The following HDAC9 variants were observed in gnomAD, a reference collection of about 807,000 sequenced individuals.
HDAC9 encodes MEF-2 interacting transcription repressor (MITR) protein.
HDAC9 carries 41 observed loss-of-function variants against 139.4 expected under a neutral mutation model. The observed-to-expected ratio is 0.29, with a 90% CI of 0.23 to 0.38. The LOEUF (loss-of-function observed/expected upper bound fraction) is 0.38. Among genes scored for constraint, HDAC9 ranks in the 10% least tolerant of loss-of-function variants. The pLI is 1.00. For synonymous variants in HDAC9, 517 were observed against 476.2 expected, an observed-to-expected ratio of 1.09 and a Z score of -1.12; for missense variants, 1,147 against 1,297.0, an observed-to-expected ratio of 0.88 and a Z score of 1.78.
intron 10 of HDAC9, 91 bp downstream of exon 10, chr7:18,648,089 G>A (rs1210167993): frequency 9.8e-7 from 1 of 1,021,990 alleles, no homozygotes; most frequent in Non-Finnish European, 1.4e-6. Flanking sequence ...AGACCCTGAT[G>A]GAGATCCACA....
intron 2 of HDAC9, among the ~76,000 whole-genome samples, chr7:18,508,853 G>T (rs1441297295): frequency 6.6e-6 from 1 of 152,186 alleles, no homozygotes; most frequent in Non-Finnish European, 1.5e-5. Flanking sequence ...AACGTGCCAG[G>T]TATTTAATTC....
At chr7:18,449,568 A>G (rs1792606692) in intron 1 of HDAC9, among the ~76,000 whole-genome samples, 1 of 152,154 alleles carries the variant, frequency 6.6e-6, no homozygotes, top group Non-Finnish European at 1.5e-5. Context: ...TAATACACTA[A>G]GATATACACC....
chr7:18,826,421 G>GT (rs1425255791), intron 17 of HDAC9, among the ~76,000 whole-genome samples: 4 of 152,116 alleles, frequency 2.6e-5, no homozygotes, highest in Admixed American at 6.6e-5. Flanking sequence ...ATGTAGAGGA[G>GT]TTTGATATTC....
upstream of HDAC9, among the ~76,000 whole-genome samples, chr7:18,289,348 CTTTAT>C (rs1585018276): frequency 6.6e-6 from 1 of 152,078 alleles, no homozygotes; most frequent in African/African-American, 2.4e-5. Flanking sequence ...TTTTTCCTTT[CTTTAT>C]TTTATAAGCT....
intron 2 of HDAC9, among the ~76,000 whole-genome samples, chr7:18,245,289 G>C (rs1794450520): frequency 6.6e-6 from 1 of 152,226 alleles, no homozygotes; most frequent in South Asian, 2.1e-4. Context: ...TCACATCAGA[G>C]GCTATGCTAT....
At chr7:18,141,775 A>G (rs945592267) in intron 1 of HDAC9, among the ~76,000 whole-genome samples, 4 of 152,086 alleles carry the variant, frequency 2.6e-5, no homozygotes, top group African/African-American at 9.7e-5. Flanking sequence ...AAACAGCCAC[A>G]ATCTTGGCCC....
At chr7:18,247,988 A>G (rs1308021973) in intron 2 of HDAC9, among the ~76,000 whole-genome samples, 2 of 152,180 alleles carry the variant, frequency 1.3e-5, no homozygotes, top group Non-Finnish European at 1.5e-5. Context: ...TTTTGAAGTC[A>G]TGGGGAGAAT....
intron 17 of HDAC9, among the ~76,000 whole-genome samples, chr7:18,820,534 A>G (rs1186654424): frequency 6.6e-6 from 1 of 152,202 alleles, no homozygotes; most frequent in African/African-American, 2.4e-5. Flanking sequence ...CCAAGTCTAA[A>G]CAGCAACCTT....
At chr7:18,855,781 G>C (rs921489468) in intron 21 of HDAC9, among the ~76,000 whole-genome samples, 1 of 151,946 alleles carries the variant, frequency 6.6e-6, no homozygotes, top group African/African-American at 2.4e-5. Context: ...CTAACCAAAC[G>C]GTAGCTGATT....
At chr7:18,789,106 C>A (rs539236555) in intron 16 of HDAC9, among the ~76,000 whole-genome samples, 3 of 152,102 alleles carry the variant, frequency 2.0e-5, no homozygotes, top group South Asian at 2.1e-4. Context: ...AGGTTCAGTT[C>A]TTGATATGTA....
intron 1 of HDAC9, among the ~76,000 whole-genome samples, chr7:18,305,040 C>A (rs1798818173): frequency 6.6e-6 from 1 of 151,946 alleles, no homozygotes; most frequent in African/African-American, 2.4e-5. Context: ...GATAAGAAAT[C>A]AGTTTTTTGC....
chr7:18,822,220 C>A (rs1173300799), intron 17 of HDAC9, among the ~76,000 whole-genome samples: 1 of 152,174 alleles, frequency 6.6e-6, no homozygotes, highest in Non-Finnish European at 1.5e-5. Flanking sequence ...ATTGTTGGTT[C>A]CTCTGGAAAG....
chr7:18,153,034 T>C (rs994444632), intron 1 of HDAC9, among the ~76,000 whole-genome samples: 2 of 151,994 alleles, frequency 1.3e-5, no homozygotes. Context: ...AGGTATAAAG[T>C]AGGGTTCTTT....
chr7:18,580,592 A>G (rs956200539), intron 2 of HDAC9, among the ~76,000 whole-genome samples: 7 of 152,200 alleles, frequency 4.6e-5, no homozygotes, highest in African/African-American at 1.2e-4. Context: ...TTTAAAAAAC[A>G]TGTTTTATTT....
intron 1 of HDAC9, among the ~76,000 whole-genome samples, chr7:18,308,259 C>G (rs1201974062): frequency 6.6e-6 from 1 of 152,142 alleles, no homozygotes; most frequent in African/African-American, 2.4e-5. Flanking sequence ...ATTTGCAAAA[C>G]CAAGCCTACG....
chr7:18,234,804 A>C (rs1793705015), intron 2 of HDAC9, among the ~76,000 whole-genome samples: 1 of 152,266 alleles, frequency 6.6e-6, no homozygotes, highest in East Asian at 1.9e-4. Flanking sequence ...TTGAAGGCCA[A>C]GGATTCTGTT....
chr7:18,154,209 A>G (rs1350926045), intron 1 of HDAC9, among the ~76,000 whole-genome samples: 2 of 152,128 alleles, frequency 1.3e-5, no homozygotes, highest in East Asian at 1.9e-4. Context: ...ATTTTTTTAT[A>G]TAGCTAACAC....
chr7:18,109,524 G>C (rs1180551898), intron 1 of HDAC9, among the ~76,000 whole-genome samples: 1 of 152,110 alleles, frequency 6.6e-6, no homozygotes, highest in African/African-American at 2.4e-5. Context: ...GAGAAATCCT[G>C]TGTACCATAC....
intron 17 of HDAC9, among the ~76,000 whole-genome samples, chr7:18,828,324 G>C (rs1795604870): frequency 6.6e-6 from 1 of 152,166 alleles, no homozygotes; most frequent in African/African-American, 2.4e-5. Context: ...TGAACCATGT[G>C]ATAAATGATT....
Sources: gnomAD v4.1 joint callset for allele counts (sites outside exome capture counted in the v4.1 genomes callset) on GRCh38, gnomAD v4.1.1 for gene constraint, MANE v1.5 for transcripts, NCBI Gene and HGNC (gene_info 2026-07-23, HGNC 2026-07-21) for gene names.